The following TMEM178B variants were observed in gnomAD, a reference collection of about 807,000 sequenced individuals.
The protein encoded by TMEM178B is transmembrane protein 178B.
TMEM178B carries 5 observed loss-of-function variants against 31.0 expected under a neutral mutation model. The ratio of observed to expected loss-of-function variants is 0.16; its 90% CI spans 0.08 to 0.34. The LOEUF (loss-of-function observed/expected upper bound fraction) is 0.34, where lower values mean the gene tolerates loss of function less well. Ranked by LOEUF, TMEM178B falls within the 10% of genes least tolerant of loss-of-function variation. The probability of loss-of-function intolerance (pLI) is 1.00; values close to 1 mark genes in which losing one functional copy is unlikely to be tolerated. For missense variants in TMEM178B, 275 were observed against 400.3 expected (o/e 0.69, Z 2.67); for synonymous variants, 164 against 164.0 (o/e 1.00, Z 0.00).
intron 1 of TMEM178B, among the ~76,000 whole-genome samples, chr7:141,085,725 A>C (rs571199167): frequency 6.6e-6 from 1 of 152,110 alleles, no homozygotes; most frequent in South Asian, 2.1e-4. Flanking sequence ...TGGAGTATTC[A>C]CAGGCCTGGA....
chr7:141,286,003 G>T (rs1220779154), intron 2 of TMEM178B, among the ~76,000 whole-genome samples: 1 of 152,060 alleles, frequency 6.6e-6, no homozygotes, highest in Non-Finnish European at 1.5e-5. Context: ...ATGACGGGTT[G>T]ATGGGTGCAG....
chr7:141,320,579 C>T (rs1799080572), intron 2 of TMEM178B, among the ~76,000 whole-genome samples: 3 of 152,298 alleles, frequency 2.0e-5, no homozygotes, highest in Admixed American at 2.0e-4. Context: ...TCCCTCACAC[C>T]TGGAGGCTCA....
intron 2 of TMEM178B, among the ~76,000 whole-genome samples, chr7:141,355,382 A>G (rs537736511): frequency 2.6e-5 from 4 of 152,206 alleles, no homozygotes; most frequent in Admixed American, 6.5e-5. Context: ...TGGGACCCCT[A>G]TGGACTGATA....
In TMEM178B at chr7:141,470,849, C is replaced by G. The variant is rs1032259222; in HGVS notation, c.*63C>G. 2.1e-6 allele frequency: 2 copies of G among 934,180 alleles called. No individual in the cohort carries two copies. The highest frequency in any genetic ancestry group is 3.5e-5 in the African/African-American group (2 of 56,794). The allele number at this position is 934,180 out of a possible 1,614,324, so 57.9% of individuals were successfully genotyped here. ...ATATATATAATATACATATATAAAA[C>G]AAAACAAAACTAAATCAAGACGATG... On this transcript the variant is annotated 3_prime_UTR_variant, in exon 4 of 4. Transcript: ENST00000565468.
intron 1 of TMEM178B, among the ~76,000 whole-genome samples, chr7:141,109,086 A>G (rs751014326): frequency 4.6e-5 from 7 of 152,154 alleles, no homozygotes; most frequent in African/African-American, 9.7e-5. Flanking sequence ...CCATGATTCA[A>G]TTATCTCCAA....
chr7:141,311,395 C>A (rs1798907873), intron 2 of TMEM178B, among the ~76,000 whole-genome samples: 1 of 152,106 alleles, frequency 6.6e-6, no homozygotes, highest in Admixed American at 6.6e-5. Flanking sequence ...CATATTTGAT[C>A]ATCTATTTAC....
rs980635216 is a variant in TMEM178B, at chr7:141,074,209, C to T, written c.-102C>T. On this transcript the variant is annotated 5_prime_UTR_variant, in exon 1 of 4. Coordinates refer to ENST00000565468, the MANE Select transcript of TMEM178B (RefSeq NM_001195278.2). This position sits in a 1 kb window ranked among gnomAD's most constrained non-coding sequence, Gnocchi z 5.1. ...CGCCGCGGCGCGAGTCCCTCTCCTGCCCCCTCCCCCAGCTCGGCCGCCCGC... is the reference window on the plus strand; with the variant it reads ...CGCCGCGGCGCGAGTCCCTCTCCTGTCCCCTCCCCCAGCTCGGCCGCCCGC... 7.4e-5 allele frequency: 105 copies of T among 1,422,044 alleles called. No individual in the cohort carries two copies. Among genetic ancestry groups the T allele is most frequent in the Non-Finnish European group, 9.3e-5 (101 of 1,088,490 alleles). 88.1% of individuals were successfully genotyped at this position (1,422,044 alleles called of 1,614,324 possible).
chr7:141,426,983 A>T (rs1000967910), intron 2 of TMEM178B, among the ~76,000 whole-genome samples: 1 of 152,142 alleles, frequency 6.6e-6, no homozygotes, highest in Non-Finnish European at 1.5e-5. Context: ...AAATTTAAAC[A>T]CTTAGGAGTA....
intron 1 of TMEM178B, among the ~76,000 whole-genome samples, chr7:141,194,632 T>C (rs756783220): frequency 6.6e-6 from 1 of 152,180 alleles, no homozygotes; most frequent in African/African-American, 2.4e-5. Flanking sequence ...AGGTGCACGA[T>C]GCAAGCTGTC....
intron 2 of TMEM178B, among the ~76,000 whole-genome samples, chr7:141,377,283 A>G (rs775165582): frequency 1.3e-5 from 2 of 151,786 alleles, no homozygotes; most frequent in African/African-American, 4.8e-5. Context: ...TCCCGGGTTC[A>G]AGTGATTCTT....
At chr7:141,445,393 T>C (rs891513472) in intron 3 of TMEM178B, among the ~76,000 whole-genome samples, 2 of 152,190 alleles carry the variant, frequency 1.3e-5, no homozygotes, top group African/African-American at 2.4e-5. Context: ...GTAAAATGAT[T>C]TAAGGGATCT....
At chr7:141,252,338 G>A (rs1167748097) in intron 2 of TMEM178B, among the ~76,000 whole-genome samples, 1 of 152,160 alleles carries the variant, frequency 6.6e-6, no homozygotes, top group East Asian at 1.9e-4. Flanking sequence ...CCTCTGTCCT[G>A]CAGGCACAGC....
At chr7:141,186,908 A>G (rs919642145) in intron 1 of TMEM178B, among the ~76,000 whole-genome samples, 4 of 152,162 alleles carry the variant, frequency 2.6e-5, no homozygotes, top group African/African-American at 9.7e-5. Flanking sequence ...TGTTTCTCCT[A>G]GAGAAGCTTC....
chr7:141,335,592 A>G (rs946384821), intron 2 of TMEM178B, among the ~76,000 whole-genome samples: 8 of 152,164 alleles, frequency 5.3e-5, no homozygotes, highest in African/African-American at 1.7e-4. Flanking sequence ...GAAGCTCATG[A>G]AAACAGTAAC....
At position 141,472,922 on chromosome 7, in the gene TMEM178B, C is replaced by T. The variant is rs1802273076; in HGVS notation, c.*2136C>T. 6.6e-6 allele frequency: 1 copy of T among 152,176 alleles called. No homozygotes were observed. Among genetic ancestry groups the T allele is most frequent in the African/African-American group, 2.4e-5 (1 of 41,426 alleles). 9.4% of individuals were successfully genotyped at this position (152,176 alleles called of 1,614,324 possible). On this transcript the variant is annotated 3_prime_UTR_variant, in exon 4 of 4. Coordinates refer to ENST00000565468, the MANE Select transcript of TMEM178B (RefSeq NM_001195278.2). ...ACGTTTGTGTCAGTACACACCTGCA[C>T]ACAGGTGTGGGTGCCCTACTCAAGA...
chr7:141,111,483 C>T (rs1043695831), intron 1 of TMEM178B, among the ~76,000 whole-genome samples: 6 of 152,232 alleles, frequency 3.9e-5, no homozygotes, highest in Non-Finnish European at 8.8e-5. Flanking sequence ...AATATGGCAT[C>T]TGCTAACCTG....
intron 2 of TMEM178B, among the ~76,000 whole-genome samples, chr7:141,303,827 G>T (rs987633682): frequency 6.6e-6 from 1 of 152,192 alleles, no homozygotes. Flanking sequence ...ATTAATAATG[G>T]ACAAATGCTA....
intron 2 of TMEM178B, among the ~76,000 whole-genome samples, chr7:141,278,065 T>C (rs998025493): frequency 6.6e-6 from 1 of 152,202 alleles, no homozygotes; most frequent in Non-Finnish European, 1.5e-5. Flanking sequence ...CTTCTTAGAT[T>C]TAAAATACCA....
chr7:141,373,430 C>T (rs567795632), intron 2 of TMEM178B, among the ~76,000 whole-genome samples: 6 of 152,176 alleles, frequency 3.9e-5, no homozygotes, highest in African/African-American at 1.4e-4. Context: ...AAATACACTA[C>T]GAGACTGAGA....
Sources: gnomAD v4.1 joint callset for allele counts (sites outside exome capture counted in the v4.1 genomes callset) on GRCh38, gnomAD v4.1.1 for gene constraint, Gnocchi (gnomAD v3.1) non-coding constraint, MANE v1.5 for transcripts, NCBI Gene and HGNC (gene_info 2026-07-23, HGNC 2026-07-21) for gene names.